The following ERP44 variants were observed in gnomAD, a reference collection of about 807,000 sequenced individuals.
The protein encoded by ERP44 is endoplasmic reticulum protein 44, also known as endoplasmic reticulum resident protein 44.
In ERP44, 25 loss-of-function variants were observed where a neutral mutation model predicts 53.4. That is an observed-to-expected ratio of 0.47 (90% CI 0.34 to 0.65). ERP44 has a LOEUF of 0.65. Ranked by LOEUF, ERP44 falls within the 30% of genes least tolerant of loss-of-function variation. ERP44 has a pLI of 0.01. For synonymous variants in ERP44, 145 were observed against 161.2 expected (o/e 0.90, Z 0.76); for missense variants, 338 against 493.2 (o/e 0.69, Z 2.98).
chr9:100,050,356 T>C (rs1462038342), intron 4 of ERP44, among the ~76,000 whole-genome samples: 1 of 152,202 alleles, frequency 6.6e-6, no homozygotes, highest in Non-Finnish European at 1.5e-5. Context: ...AAAAACTGCT[T>C]TAGGATTGAA....
chr9:100,009,938 ATT>A (rs1490621078), intron 8 of ERP44, among the ~76,000 whole-genome samples: 1 of 46,992 alleles, frequency 2.1e-5, no homozygotes, highest in Non-Finnish European at 4.9e-5. Context: ...TCAAAGGAAA[ATT>A]CTTTTTTCTA....
intron 4 of ERP44, among the ~76,000 whole-genome samples, chr9:100,027,003 T>C (rs1273764289): frequency 6.6e-6 from 1 of 152,202 alleles, no homozygotes; most frequent in African/African-American, 2.4e-5. Context: ...GAAAGTAGTG[T>C]GCTAACAGCA....
intron 8 of ERP44, among the ~76,000 whole-genome samples, chr9:100,009,520 T>C (rs1830451947): frequency 1.3e-5 from 2 of 152,154 alleles, no homozygotes; most frequent in Admixed American, 1.3e-4. Context: ...AGTAAGCTGA[T>C]TTTTTTCTTC....
At chr9:100,029,314 C>T (rs560209141) in intron 4 of ERP44, among the ~76,000 whole-genome samples, 1 of 152,264 alleles carries the variant, frequency 6.6e-6, no homozygotes, top group Admixed American at 6.5e-5. Flanking sequence ...CCAGAATATA[C>T]AAGCAACAAC....
chr9:99,999,276 G>A (rs1255505132), intron 10 of ERP44, among the ~76,000 whole-genome samples: 2 of 150,502 alleles, frequency 1.3e-5, no homozygotes, highest in Non-Finnish European at 2.9e-5. Flanking sequence ...GTCTATTCAT[G>A]TCCTTAGCCC....
chr9:100,016,715 TA>T (rs1423549796), intron 7 of ERP44, among the ~76,000 whole-genome samples: 1 of 152,190 alleles, frequency 6.6e-6, no homozygotes, highest in Non-Finnish European at 1.5e-5. Context: ...TTGCCCAGGC[TA>T]AAAAGTACAT....
At chr9:100,039,285 G>A (rs538022833) in intron 4 of ERP44, among the ~76,000 whole-genome samples, 2 of 152,184 alleles carry the variant, frequency 1.3e-5, no homozygotes, top group African/African-American at 4.8e-5. Flanking sequence ...CACATGTTAG[G>A]TTACAAAACA....
intron 10 of ERP44, among the ~76,000 whole-genome samples, chr9:99,992,878 C>G (rs1176324524): frequency 3.9e-5 from 6 of 152,182 alleles, no homozygotes; most frequent in African/African-American, 1.2e-4. Context: ...CAGTAACAGA[C>G]AGCCAGCCAA....
chr9:100,042,437 G>T (rs1265414699), intron 4 of ERP44, among the ~76,000 whole-genome samples: 1 of 152,168 alleles, frequency 6.6e-6, no homozygotes, highest in African/African-American at 2.4e-5. Context: ...GGTGAAAAGA[G>T]AACCCTCTTG....
rs544945206 is a variant in ERP44, at chr9:100,065,184, T to C, written c.58-5012A>G. On this transcript the variant is annotated intron_variant, in intron 1 of 11. Coordinates refer to ENST00000262455, the MANE Select transcript of ERP44 (RefSeq NM_015051.3). Reference sequence around the variant, plus strand: ...CATGTGTATAACTTTTTATCTTTTATACTATATTTTTACTGTGTCTTTTCT... The same window carrying C: ...CATGTGTATAACTTTTTATCTTTTACACTATATTTTTACTGTGTCTTTTCT... Among the ~76,000 whole-genome samples, 222 of 152,290 alleles carry C rather than the reference T, an allele frequency of 1.5e-3. 2 individuals are homozygous for C. The highest frequency in any genetic ancestry group is 9.5e-3 in the South Asian group (46 of 4,830).
chr9:100,091,837 G>A (rs1426053254), intron 1 of ERP44, among the ~76,000 whole-genome samples: 1 of 152,180 alleles, frequency 6.6e-6, no homozygotes, highest in Non-Finnish European at 1.5e-5. Flanking sequence ...CTGAGGTGAG[G>A]TGATCTAAAA....
intron 11 of ERP44, among the ~76,000 whole-genome samples, 199 bp downstream of exon 11, chr9:99,984,768 C>G (rs371117220): frequency 6.6e-6 from 1 of 152,204 alleles, no homozygotes; most frequent in South Asian, 2.1e-4. Context: ...CAAGAAACTA[C>G]GTTATAATAT....
intron 1 of ERP44, among the ~76,000 whole-genome samples, chr9:100,083,162 C>T (rs1826445894): frequency 6.6e-6 from 1 of 151,532 alleles, no homozygotes; most frequent in South Asian, 2.1e-4. Flanking sequence ...GAAAAGACAA[C>T]ATCCCAATAA....
intron 4 of ERP44, among the ~76,000 whole-genome samples, chr9:100,043,600 C>T (rs974358939): frequency 6.6e-6 from 1 of 151,774 alleles, no homozygotes; most frequent in African/African-American, 2.4e-5. Flanking sequence ...ACTAAATCTA[C>T]AAAAATTAGC....
Position 100,060,274 on chromosome 9 carries a change from A to G in ERP44, c.58-102T>C, listed in dbSNP as rs530494744. On this transcript the variant is annotated intron_variant, in intron 1 of 11. Coordinates refer to ENST00000262455, the MANE Select transcript of ERP44 (RefSeq NM_015051.3). The stretch of plus-strand genomic sequence containing the variant: ...ATGTGTGATTCCACTTGTTCCTTAG[A>G]AAATTATACATCAATTGAATTGAAT... The G allele has an allele frequency of 4.3e-6, 5 of 1,165,014 alleles. No individual in the cohort carries two copies. The Admixed American group carries it at 2.2e-4, about 52-fold the overall frequency. The allele number at this position is 1,165,014 out of a possible 1,614,324, so 72.2% of individuals were successfully genotyped here.
chr9:100,095,591 T>C (rs776619526), intron 1 of ERP44, among the ~76,000 whole-genome samples: 2 of 152,144 alleles, frequency 1.3e-5, no homozygotes, highest in Non-Finnish European at 2.9e-5. Flanking sequence ...GGACATACTT[T>C]AGTATGTCAC....
At chr9:100,021,134 A>G (rs550672276) in intron 5 of ERP44, among the ~76,000 whole-genome samples, 1 of 152,154 alleles carries the variant, frequency 6.6e-6, no homozygotes, top group African/African-American at 2.4e-5. Flanking sequence ...TACACCAAAA[A>G]ATGCAAGACC....
rs1336418465 is a variant in ERP44, at chr9:100,081,444, T to C, written c.57+17340A>G. ...AGCAACATCTGTAAAGCAGAAATTA[T>C]GGGAGATACAAGTAGAAAGAGAAAT... On this transcript the variant is annotated intron_variant, in intron 1 of 11. Coordinates refer to ENST00000262455, the MANE Select transcript of ERP44 (RefSeq NM_015051.3). 3.9e-5 allele frequency among the ~76,000 whole-genome samples: 6 copies of C among 152,062 alleles called. No homozygotes were observed. The East Asian group carries it at 1.2e-3, about 29-fold the overall frequency.
Position 99,992,251 on chromosome 9 carries a change from G to A in ERP44, c.1017-7182C>T, listed in dbSNP as rs552147883. Among the ~76,000 whole-genome samples the A allele has an allele frequency of 7.9e-5, 12 of 152,218 alleles. No homozygotes were observed. In the South Asian group the frequency reaches 2.5e-3, roughly 32 times the overall value. ...TAGACCAGTAACCCTGATGAACATGGATGCAAAAATCCTCAATAAAACACT... is the reference window on the plus strand; with the variant it reads ...TAGACCAGTAACCCTGATGAACATGAATGCAAAAATCCTCAATAAAACACT... On this transcript the variant is annotated intron_variant, in intron 10 of 11. Coordinates refer to ENST00000262455, the MANE Select transcript of ERP44 (RefSeq NM_015051.3).
Sources: gnomAD v4.1 joint callset for allele counts (sites outside exome capture counted in the v4.1 genomes callset) on GRCh38, gnomAD v4.1.1 for gene constraint, MANE v1.5 for transcripts, NCBI Gene and HGNC (gene_info 2026-07-23, HGNC 2026-07-21) for gene names.